Variants in TSPAN2 observed in about 807,000 individuals in gnomAD.
TSPAN2 encodes tetraspanin 2.
A neutral mutation model predicts 33.3 loss-of-function variants in TSPAN2; 24 were observed. That is an observed-to-expected ratio of 0.72 (90% CI 0.52 to 1.01). The LOEUF is 1.01. Ranked by LOEUF, TSPAN2 falls within the 50% of genes least tolerant of loss-of-function variation. The pLI is 0.00. For synonymous variants in TSPAN2, 114 were observed against 104.5 expected, an observed-to-expected ratio of 1.09 and a Z score of -0.56; for missense variants, 278 against 281.3, an observed-to-expected ratio of 0.99 and a Z score of 0.08.
Position 115,070,588 on chromosome 1 carries a change from G to C in TSPAN2, c.172+2317C>G, listed in dbSNP as rs1464499012. ...ACTGCCCACCATGCCCTAGTCCTCA[G>C]ACCCCAACAGAGCCCCCAGCCCCTC... On this transcript the variant is annotated intron_variant, in intron 2 of 7. Transcript: ENST00000369516. Among the ~76,000 whole-genome samples the C allele has an allele frequency of 1.3e-5, 2 of 151,092 alleles. 1 individual carries two copies. Among genetic ancestry groups the C allele is most frequent in the African/African-American group, 4.9e-5 (2 of 41,014 alleles).
At chr1:115,050,578 C>T in intron 7 of TSPAN2, 23 bp from the exon 8 acceptor site, 1 of 1,612,242 alleles carries the variant, frequency 6.2e-7, no homozygotes, top group Non-Finnish European at 8.5e-7. Context: ...AAACACTCAT[C>T]AGTGACTTTG....
Position 115,075,469 on chromosome 1 carries a change from C to T in TSPAN2, c.70-2462G>A, listed in dbSNP as rs1006769470. ...CGATCACTGCTCTGGAAAGTGGCATCGGCACAGACCACACAGCACTTTGGT... is the reference window on the plus strand; with the variant it reads ...CGATCACTGCTCTGGAAAGTGGCATTGGCACAGACCACACAGCACTTTGGT... On this transcript the variant is annotated intron_variant, in intron 1 of 7. Coordinates refer to ENST00000369516, the MANE Select transcript of TSPAN2 (RefSeq NM_005725.6). Among the ~76,000 whole-genome samples, 5 of 152,132 alleles carry T rather than the reference C, an allele frequency of 3.3e-5. No individual in the cohort carries two copies. In the South Asian group the frequency reaches 1.0e-3, roughly 32 times the overall value.
chr1:115,061,971 T>C lies in TSPAN2; in HGVS notation c.270+164A>G, dbSNP rs75890994. ...ACCCGGCCCTAGTTAGTATTATTCATATATAAGAGATGGAGAAACCAAGAC... is the reference window on the plus strand; with the variant it reads ...ACCCGGCCCTAGTTAGTATTATTCACATATAAGAGATGGAGAAACCAAGAC... On this transcript the variant is annotated intron_variant, in intron 3 of 7. Coordinates refer to ENST00000369516, the MANE Select transcript of TSPAN2 (RefSeq NM_005725.6). Among the ~76,000 whole-genome samples the C allele has an allele frequency of 3.7e-3, 565 of 152,198 alleles. 3 individuals carry two copies. Among genetic ancestry groups the C allele is most frequent in the Non-Finnish European group, 4.3e-3 (294 of 67,996 alleles).
chr1:115,071,715 T>C (rs1466249669), intron 2 of TSPAN2, among the ~76,000 whole-genome samples: 6 of 152,244 alleles, frequency 3.9e-5, no homozygotes, highest in Admixed American at 3.3e-4. Context: ...AAATGTGGAA[T>C]GTCCTTATTG....
chr1:115,073,804 T>A (rs1648288147), intron 1 of TSPAN2, among the ~76,000 whole-genome samples: 1 of 150,774 alleles, frequency 6.6e-6, no homozygotes, highest in Non-Finnish European at 1.5e-5. Flanking sequence ...GCTGGTAGAG[T>A]CATCACCCGG....
At chr1:115,084,728 T>C (rs1648765820) in intron 1 of TSPAN2, among the ~76,000 whole-genome samples, 1 of 152,218 alleles carries the variant, frequency 6.6e-6, no homozygotes, top group Non-Finnish European at 1.5e-5. Flanking sequence ...GCTCTGAAGT[T>C]ACTGTTTGAA....
At chr1:115,075,409 G>T (rs1648365684) in intron 1 of TSPAN2, among the ~76,000 whole-genome samples, 1 of 152,142 alleles carries the variant, frequency 6.6e-6, no homozygotes, top group African/African-American at 2.4e-5. Context: ...TAAGGACCCG[G>T]CCAGGGTTGA....
Position 115,049,164 on chromosome 1 carries a change from A to G in TSPAN2, c.*1326T>C, listed in dbSNP as rs888004834. The G allele has an allele frequency of 4.6e-5, 7 of 152,180 alleles. No homozygotes were observed. Among genetic ancestry groups the G allele is most frequent in the Non-Finnish European group, 1.0e-4 (7 of 67,992 alleles). The allele number at this position is 152,180 out of a possible 1,614,324, so 9.4% of individuals were successfully genotyped here. A position where few individuals can be genotyped will look rare whatever the true frequency, so the allele number is the denominator to read the frequency against. ...TTAAAAATCACTGAAAAATTTGCCA[A>G]TGTAAATCCTAAATTTGGGTTTACT... On this transcript the variant is annotated 3_prime_UTR_variant, in exon 8 of 8. Transcript: ENST00000369516.
At chr1:115,086,062 T>C (rs1398680432) in intron 1 of TSPAN2, among the ~76,000 whole-genome samples, 1 of 152,196 alleles carries the variant, frequency 6.6e-6, no homozygotes, top group African/African-American at 2.4e-5. Flanking sequence ...CAAACTTATA[T>C]ACTATTCCCC....
intron 1 of TSPAN2, among the ~76,000 whole-genome samples, chr1:115,084,822 G>A (rs1382041265): frequency 6.6e-6 from 1 of 152,020 alleles, no homozygotes; most frequent in Non-Finnish European, 1.5e-5. Context: ...GCAAGACACT[G>A]TCTTTCTTAA....
intron 1 of TSPAN2, among the ~76,000 whole-genome samples, 178 bp downstream of exon 1, chr1:115,089,186 C>G (rs1353355792): frequency 6.6e-6 from 1 of 152,220 alleles, no homozygotes; most frequent in African/African-American, 2.4e-5. Flanking sequence ...TCTTCCCGTT[C>G]TCTCCCTTCC....
intron 1 of TSPAN2, among the ~76,000 whole-genome samples, chr1:115,088,310 A>T (rs966753156): frequency 1.3e-5 from 2 of 152,180 alleles, no homozygotes; most frequent in Non-Finnish European, 1.5e-5. Context: ...AGCAGATAGG[A>T]CAGCCACCTC....
chr1:115,083,040 A>T (rs1648687658), intron 1 of TSPAN2, among the ~76,000 whole-genome samples: 1 of 152,230 alleles, frequency 6.6e-6, no homozygotes, highest in African/African-American at 2.4e-5. Flanking sequence ...ATCAAATTCA[A>T]AGAGGATGAA....
chr1:115,063,325 C>T (rs1194793714), intron 2 of TSPAN2, among the ~76,000 whole-genome samples: 8 of 152,140 alleles, frequency 5.3e-5, no homozygotes, highest in Non-Finnish European at 1.2e-4. Flanking sequence ...AAATAATGCT[C>T]GTCATCTCTA....
intron 3 of TSPAN2, 140 bp downstream of exon 3, chr1:115,061,995 A>T (rs1454147727): frequency 1.2e-5 from 8 of 685,090 alleles, no homozygotes; most frequent in Middle Eastern, 4.0e-4. Context: ...AGAAACCAAG[A>T]CTGAGGGAGG....
rs1647552005 is a variant in TSPAN2, at chr1:115,058,996, G to A, written c.346-15C>T. The stretch of plus-strand genomic sequence containing the variant: ...TGTCGGATAGCCTGAAGAAATACAA[G>A]GAAAAATGAAGGACTTCTGGGTGGG... On this transcript the variant is annotated splice_polypyrimidine_tract_variant and intron_variant, in intron 4 of 7. Transcript: ENST00000369516. The A allele has an allele frequency of 6.3e-7, 1 of 1,596,210 alleles. No individual in the cohort carries two copies. The highest frequency in any genetic ancestry group is 1.7e-5 in the Admixed American group (1 of 58,944).
chr1:115,078,209 G>T (rs907584951), intron 1 of TSPAN2, among the ~76,000 whole-genome samples: 3 of 152,182 alleles, frequency 2.0e-5, no homozygotes, highest in African/African-American at 4.8e-5. Flanking sequence ...CCATGACCTA[G>T]ATAGGTACCT....
intron 1 of TSPAN2, among the ~76,000 whole-genome samples, chr1:115,073,594 C>G (rs1648279764): frequency 6.6e-6 from 1 of 151,968 alleles, no homozygotes; most frequent in East Asian, 1.9e-4. Flanking sequence ...CTCCACCATC[C>G]TATATGGTCA....
chr1:115,073,138 A>G, intron 1 of TSPAN2, 131 bp from the exon 2 acceptor site: 1 of 735,058 alleles, frequency 1.4e-6, no homozygotes. Flanking sequence ...TTCCCATTTT[A>G]TAGGGGAGAA....
Sources: gnomAD v4.1 joint callset for allele counts (sites outside exome capture counted in the v4.1 genomes callset) on GRCh38, gnomAD v4.1.1 for gene constraint, MANE v1.5 for transcripts, NCBI Gene and HGNC (gene_info 2026-07-23, HGNC 2026-07-21) for gene names.